The following SSH2 variants were observed in gnomAD, a reference collection of about 807,000 sequenced individuals.
The protein encoded by SSH2 is slingshot protein phosphatase 2, also known as protein phosphatase Slingshot homolog 2.
In SSH2, 37 loss-of-function variants were observed where a neutral mutation model predicts 135.2. That is an observed-to-expected ratio of 0.27 (90% CI 0.21 to 0.36). The LOEUF is 0.36. SSH2 is among the 10% of genes least tolerant of loss of function. The pLI, the probability that SSH2 is intolerant of heterozygous loss-of-function variation, is 1.00. For synonymous variants in SSH2, 628 were observed against 646.2 expected, an observed-to-expected ratio of 0.97 and a Z score of 0.43; for missense variants, 1,408 against 1,765.3, an observed-to-expected ratio of 0.80 and a Z score of 3.63.
chr17:29,637,369 G>T (rs188053481), intron 14 of SSH2, among the ~76,000 whole-genome samples: 17 of 152,240 alleles, frequency 1.1e-4, no homozygotes, highest in African/African-American at 3.9e-4. Flanking sequence ...ACCACACCCA[G>T]CTGAACTGTA....
chr17:29,643,512 T>C (rs1357273477), intron 14 of SSH2, among the ~76,000 whole-genome samples: 1 of 151,754 alleles, frequency 6.6e-6, no homozygotes, highest in Admixed American at 6.6e-5. Context: ...CCCGGCTTCA[T>C]GCCATTCTGC....
At chr17:29,750,127 T>C (rs551076628) in intron 3 of SSH2, among the ~76,000 whole-genome samples, 1 of 152,170 alleles carries the variant, frequency 6.6e-6, no homozygotes, top group African/African-American at 2.4e-5. Context: ...TCTTTTGTAA[T>C]AATACTTAGC....
chr17:29,687,211 G>A (rs2038261115), intron 5 of SSH2, among the ~76,000 whole-genome samples: 1 of 152,166 alleles, frequency 6.6e-6, no homozygotes, highest in Non-Finnish European at 1.5e-5. Flanking sequence ...TAGTTACACG[G>A]CTCAAATGAC....
In SSH2 at chr17:29,882,370, T is replaced by C. The variant is rs146493860; in HGVS notation, c.64-33441A>G. On this transcript the variant is annotated intron_variant, in intron 1 of 15. Transcript: ENST00000540801. The stretch of plus-strand genomic sequence containing the variant: ...CAAGGATTTATAACTGGCCTTAAGA[T>C]AGTAGCCTGGACTTTTCCCTGCACC... Among the ~76,000 whole-genome samples the C allele has an allele frequency of 7.6e-3, 1,157 of 152,336 alleles. 11 individuals carry two copies. The highest frequency in any genetic ancestry group is 0.022 in the African/African-American group (930 of 41,578).
intron 3 of SSH2, among the ~76,000 whole-genome samples, chr17:29,738,560 A>AT (rs1023481182): frequency 0.035 from 5,014 of 144,562 alleles, 145 homozygotes; most frequent in African/African-American, 0.065. Context: ...ATTTTATTTT[A>AT]TTTTTTTTTT....
At chr17:29,666,453 C>T (rs1283660756) in intron 11 of SSH2, among the ~76,000 whole-genome samples, 10 of 152,084 alleles carry the variant, frequency 6.6e-5, no homozygotes, top group African/African-American at 2.2e-4. Flanking sequence ...GAGGCCAAGG[C>T]GGGCAGATCA....
At chr17:29,634,713 C>T (rs2035824617) in intron 15 of SSH2, among the ~76,000 whole-genome samples, 2 of 152,022 alleles carry the variant, frequency 1.3e-5, no homozygotes, top group Non-Finnish European at 2.9e-5. Context: ...CCACCACGCC[C>T]AGCTCATTTT....
At chr17:29,670,081 C>T (rs2037431838) in intron 9 of SSH2, among the ~76,000 whole-genome samples, 1 of 151,898 alleles carries the variant, frequency 6.6e-6, no homozygotes, top group South Asian at 2.1e-4. Flanking sequence ...GGGGTTTCAC[C>T]ATGTTGGCCA....
rs73263607 is a variant in SSH2, at chr17:29,720,710, A to T, written c.189-17648T>A. Reference sequence around the variant, plus strand: ...AGTGTTAGGTTCTGACACTTGCAAAAGCAGTTAACTTTTGTTAAAAAAAAA... The same window carrying T: ...AGTGTTAGGTTCTGACACTTGCAAATGCAGTTAACTTTTGTTAAAAAAAAA... On this transcript the variant is annotated intron_variant, in intron 3 of 15. Coordinates refer to ENST00000540801, the MANE Select transcript of SSH2 (RefSeq NM_001282129.2). Among the ~76,000 whole-genome samples, 484 of 152,316 alleles carry T rather than the reference A, an allele frequency of 3.2e-3. 5 individuals are homozygous for T. Among genetic ancestry groups the T allele is most frequent in the African/African-American group, 0.01 (423 of 41,566 alleles).
intron 2 of SSH2, among the ~76,000 whole-genome samples, chr17:29,830,096 C>T (rs2042818745): frequency 1.3e-5 from 2 of 152,122 alleles, no homozygotes; most frequent in Admixed American, 1.3e-4. Context: ...GCCTCGGCCT[C>T]CCAAAGTGCT....
At chr17:29,794,765 CAT>C (rs1052564254) in intron 2 of SSH2, among the ~76,000 whole-genome samples, 3 of 152,158 alleles carry the variant, frequency 2.0e-5, no homozygotes, top group East Asian at 1.9e-4. Flanking sequence ...CAAGGAGACT[CAT>C]GTGGTAAAGA....
intron 2 of SSH2, among the ~76,000 whole-genome samples, chr17:29,801,709 C>T (rs1436764364): frequency 6.6e-6 from 1 of 152,222 alleles, no homozygotes; most frequent in Non-Finnish European, 1.5e-5. Flanking sequence ...AGGGCAGGAA[C>T]TATGCCTCAT....
In SSH2 at chr17:29,775,356, T is replaced by G. The variant is rs372476938; in HGVS notation, c.188+18538A>C. Among the ~76,000 whole-genome samples, 4 of 151,618 alleles carry G rather than the reference T, an allele frequency of 2.6e-5. No homozygotes were observed. The East Asian group carries it at 7.8e-4, about 29-fold the overall frequency. ...CATGCTGAAGTGCACTGGCGCAATC[T>G]TGGCTCTCCTCAACCTCTGCCTCCC... On this transcript the variant is annotated intron_variant, in intron 3 of 15. Transcript: ENST00000540801.
In SSH2 at chr17:29,645,861, T is replaced by C. The variant is rs1386285596; in HGVS notation, c.1427+2283A>G. ...GGGAGGGGTTTTTTAGTGGAAACCA[T>C]AATGCTATGCTGTGGCCACATTTTC... On this transcript the variant is annotated intron_variant, in intron 14 of 15. Coordinates refer to ENST00000540801, the MANE Select transcript of SSH2 (RefSeq NM_001282129.2). The C allele has an allele frequency of 2.0e-5, 3 of 152,168 alleles. No homozygotes were observed. The East Asian group carries it at 5.8e-4, about 29-fold the overall frequency. The allele number at this position is 152,168 out of a possible 1,614,324, so 9.4% of individuals were successfully genotyped here. A position where few individuals can be genotyped will look rare whatever the true frequency, so the allele number is the denominator to read the frequency against.
Position 29,704,420 on chromosome 17 carries a change from G to A in SSH2, c.189-1358C>T, listed in dbSNP as rs2039116324. On this transcript the variant is annotated intron_variant, in intron 3 of 15. Coordinates refer to ENST00000540801, the MANE Select transcript of SSH2 (RefSeq NM_001282129.2). ...GTAACTATTCAAAATACAATTACTG[G>A]TCTGGTCACAGTGGTTCATGCCTGT... 2.6e-5 allele frequency among the ~76,000 whole-genome samples: 4 copies of A among 152,102 alleles called. No individual in the cohort carries two copies. In the South Asian group the frequency reaches 8.3e-4, roughly 32 times the overall value.
chr17:29,779,034 A>G (rs1004172007), intron 3 of SSH2, among the ~76,000 whole-genome samples: 1 of 152,116 alleles, frequency 6.6e-6, no homozygotes, highest in Admixed American at 6.6e-5. Flanking sequence ...TATCATGAAT[A>G]ACATCTAGGG....
intron 3 of SSH2, among the ~76,000 whole-genome samples, chr17:29,752,324 TATGAACAGAAAAAC>T (rs1199099719): frequency 6.6e-6 from 1 of 152,166 alleles, no homozygotes; most frequent in Non-Finnish European, 1.5e-5. Context: ...AGTACTGGCA[TATGAACAGAAAAAC>T]ATGAACAGAA....
In SSH2 at chr17:29,632,454, C is replaced by A. The variant is rs1234850040; in HGVS notation, c.2740G>T (p.Ala914Ser). The A allele has an allele frequency of 1.2e-6, 2 of 1,614,188 alleles. No homozygotes were observed. Among genetic ancestry groups the A allele is most frequent in the South Asian group, 1.1e-5 (1 of 91,084 alleles). ...LRQEQEHHGA[A>S]PTCTSLSTRK... is the part of the protein sequence containing the mutation. ...GTGGACAATGAGGTACATGTTGGGG[C>A]AGCACCATGATGCTCTTGCTCCTGC... Residue 914 changes from alanine (A) to serine (S), a missense_variant, in exon 16 of 16, where the codon GCC (alanine) becomes TCC (serine). Ala to Ser is a moderately conservative substitution (Grantham distance 99). This residue lies in a region of SSH2 where 1,080 missense variants were observed against 1,144.5 expected (regional missense o/e 0.94). Coordinates refer to ENST00000540801, the MANE Select transcript of SSH2 (RefSeq NM_001282129.2).
At chr17:29,804,735 G>A (rs183774784) in intron 2 of SSH2, among the ~76,000 whole-genome samples, 1 of 151,784 alleles carries the variant, frequency 6.6e-6, no homozygotes, top group Admixed American at 6.6e-5. Context: ...GCAAAGGCAC[G>A]ATCATAGCTC....
Sources: allele counts gnomAD v4.1 joint callset (sites outside exome capture counted in the v4.1 genomes callset), GRCh38; gene constraint gnomAD v4.1.1; regional missense constraint gnomAD v4.1.1; transcripts MANE v1.5; gene names NCBI Gene and HGNC (gene_info 2026-07-23, HGNC 2026-07-21).